UBOX5: variants seen among roughly 807,000 people sequenced by gnomAD.
UBOX5 encodes the protein RING finger protein 37.
UBOX5 carries 28 observed loss-of-function variants against 39.0 expected under a neutral mutation model. The observed-to-expected ratio is 0.72, with a 90% CI of 0.53 to 0.98. The LOEUF (loss-of-function observed/expected upper bound fraction) is 0.98. Among genes scored for constraint, UBOX5 ranks in the 50% least tolerant of loss-of-function variants. The pLI, the probability that UBOX5 is intolerant of heterozygous loss-of-function variation, is 0.00. For missense variants in UBOX5, 585 were observed against 674.4 expected, an observed-to-expected ratio of 0.87 and a Z score of 1.47; for synonymous variants, 283 against 275.5, an observed-to-expected ratio of 1.03 and a Z score of -0.27.
chr20:3,157,651 G>A (rs545171069), intron 1 of UBOX5, among the ~76,000 whole-genome samples: 5 of 152,330 alleles, frequency 3.3e-5, no homozygotes, highest in African/African-American at 1.2e-4. Context: ...ACAACAGGCA[G>A]TAGGCACTCA....
At chr20:3,126,089 A>C (rs1227220642) in intron 1 of UBOX5, among the ~76,000 whole-genome samples, 1 of 152,264 alleles carries the variant, frequency 6.6e-6, no homozygotes, top group Non-Finnish European at 1.5e-5. Context: ...ATGTGGGGAA[A>C]AGAAAGAGAG....
At chr20:3,124,888 C>A (rs1488835215) in intron 1 of UBOX5, among the ~76,000 whole-genome samples, 2 of 144,712 alleles carry the variant, frequency 1.4e-5, no homozygotes, top group Non-Finnish European at 3.0e-5. Flanking sequence ...CCAGCCGCCC[C>A]GTCTGGGAGG....
At chr20:3,144,542 A>C (rs1375476997) in intron 1 of UBOX5, among the ~76,000 whole-genome samples, 3 of 152,350 alleles carry the variant, frequency 2.0e-5, no homozygotes, top group Middle Eastern at 6.8e-3. Context: ...ACATAGGGGT[A>C]AATCTCCCTG....
chr20:3,135,403 G>A (rs2066461760), intron 1 of UBOX5, among the ~76,000 whole-genome samples: 1 of 152,148 alleles, frequency 6.6e-6, no homozygotes, highest in Non-Finnish European at 1.5e-5. Flanking sequence ...CACAGAGGAG[G>A]GAAGTGTGAG....
chr20:3,148,156 C>A (rs141945805), intron 1 of UBOX5: 2 of 1,613,612 alleles, frequency 1.2e-6, no homozygotes, highest in African/African-American at 1.3e-5. Flanking sequence ...ATTTAAGGAT[C>A]AATGATTCCA....
At chr20:3,151,490 T>C (rs1331004214) in intron 1 of UBOX5, among the ~76,000 whole-genome samples, 2 of 152,168 alleles carry the variant, frequency 1.3e-5, no homozygotes, top group African/African-American at 4.8e-5. Context: ...TAAATGCAGA[T>C]AGCCAGCTTT....
At chr20:3,116,095 G>C (rs2066292021) in intron 3 of UBOX5, among the ~76,000 whole-genome samples, 1 of 152,062 alleles carries the variant, frequency 6.6e-6, no homozygotes, top group African/African-American at 2.4e-5. Flanking sequence ...AAAATAACTG[G>C]GGCAAGCAAA....
At chr20:3,131,228 CAA>C (rs112248218) in intron 1 of UBOX5, among the ~76,000 whole-genome samples, 1 of 116,322 alleles carries the variant, frequency 8.6e-6, no homozygotes, top group Admixed American at 9.0e-5. Context: ...GACTCCATCT[CAA>C]AAAAAAAAAA....
chr20:3,148,411 G>T (rs1368050231), intron 1 of UBOX5: 3 of 1,614,026 alleles, frequency 1.9e-6, no homozygotes, highest in Non-Finnish European at 2.5e-6. Context: ...TTGAATGGGA[G>T]TGAGGGATTC....
intron 1 of UBOX5, among the ~76,000 whole-genome samples, chr20:3,129,030 G>A (rs2066410636): frequency 6.6e-6 from 1 of 152,164 alleles, no homozygotes. Context: ...CCACCTCTGT[G>A]TGGAAGCGAG....
rs2066286678 is a variant in UBOX5, at chr20:3,115,466, C to T, written c.1256G>A (p.Gly419Asp). The change falls in exon 4 of 5, where the codon GGT (glycine) becomes GAT (aspartate). Residue 419 changes from glycine (G) to aspartate (D), a missense_variant and splice_region_variant. Gly to Asp is a moderately conservative substitution (Grantham distance 94). Coordinates refer to ENST00000217173, the MANE Select transcript of UBOX5 (RefSeq NM_014948.4). ...CAGCTTCTGCTCGTGGGACAGTGGA[C>T]CTGTCGAGAGATGCGCACAGCACAA... ...PSLTHMDCST[G>D]PLSHEQKLSQ... 1 of 1,611,740 alleles carries T rather than the reference C, an allele frequency of 6.2e-7. No individual in the cohort carries two copies. The highest frequency in any genetic ancestry group is 1.1e-5 in the South Asian group (1 of 90,772).
In UBOX5 at chr20:3,123,399, G is replaced by T; in HGVS notation, c.-34C>A. The T allele has an allele frequency of 6.3e-7, 1 of 1,599,888 alleles. No individual in the cohort carries two copies. ...CTGAGAGGATATCTTCCAAGCATCA[G>T]AAGCAGCCTTAAATAAGAAATAAAA... On this transcript the variant is annotated 5_prime_UTR_variant, in exon 2 of 5. It adds an upstream start codon to the 5' untranslated region. Transcript: ENST00000217173.
chr20:3,127,504 C>T (rs2148601072), intron 1 of UBOX5, among the ~76,000 whole-genome samples: 1 of 152,228 alleles, frequency 6.6e-6, no homozygotes, highest in South Asian at 2.1e-4. Flanking sequence ...GGGGAACTTC[C>T]ATGTAAGCCA....
At position 3,115,176 on chromosome 20, in the gene UBOX5, G is replaced by C; in HGVS notation, c.1417+129C>G. The C allele has an allele frequency of 1.3e-5, 15 of 1,175,430 alleles. No homozygotes were observed. The South Asian group carries it at 2.6e-4, about 20-fold the overall frequency. 72.8% of individuals were successfully genotyped at this position (1,175,430 alleles called of 1,614,324 possible). A position where few individuals can be genotyped will look rare whatever the true frequency, so the allele number is the denominator to read the frequency against. The stretch of plus-strand genomic sequence containing the variant: ...AGAGAACAGGTTCTCTCCCAGGGTG[G>C]GTGTTGGAACTGACGGGGAGGCTGG... On this transcript the variant is annotated intron_variant, in intron 4 of 4. Coordinates refer to ENST00000217173, the MANE Select transcript of UBOX5 (RefSeq NM_014948.4).
At chr20:3,145,679 T>G (rs1156850344) in intron 1 of UBOX5, among the ~76,000 whole-genome samples, 1 of 152,116 alleles carries the variant, frequency 6.6e-6, no homozygotes, top group Non-Finnish European at 1.5e-5. Context: ...TCAAGCAATC[T>G]TCCCACTTTG....
intron 3 of UBOX5, among the ~76,000 whole-genome samples, chr20:3,118,645 G>A (rs1427880620): frequency 2.0e-5 from 3 of 151,916 alleles, no homozygotes; most frequent in East Asian, 1.9e-4. Context: ...GCTGGCGGGC[G>A]CCTGTAGTCC....
chr20:3,121,125 C>T (rs77899379), intron 3 of UBOX5, among the ~76,000 whole-genome samples: 2 of 152,324 alleles, frequency 1.3e-5, no homozygotes, highest in African/African-American at 4.8e-5. Context: ...CCATCACCAA[C>T]AGAGGAGCGA....
intron 1 of UBOX5, among the ~76,000 whole-genome samples, chr20:3,137,603 A>G (rs556363550): frequency 3.3e-5 from 5 of 152,232 alleles, no homozygotes; most frequent in Non-Finnish European, 7.4e-5. Context: ...GAACTTCATA[A>G]CCAGCCTACT....
chr20:3,144,201 G>C (rs2066541384), intron 1 of UBOX5, among the ~76,000 whole-genome samples: 1 of 152,178 alleles, frequency 6.6e-6, no homozygotes, highest in Non-Finnish European at 1.5e-5. Flanking sequence ...TCATATGGAA[G>C]TGCAAGGACC....
Sources: allele counts gnomAD v4.1 joint callset (sites outside exome capture counted in the v4.1 genomes callset), GRCh38; gene constraint gnomAD v4.1.1; transcripts MANE v1.5; gene names NCBI Gene and HGNC (gene_info 2026-07-23, HGNC 2026-07-21).